The following QTMAN variants were observed in gnomAD, a reference collection of about 807,000 sequenced individuals.
QTMAN encodes the protein tRNA-queuosine alpha-mannosyltransferase.
the QTMAN span, among the ~76,000 whole-genome samples, chr2:144,224,007 A>C: frequency 2.6e-5 from 4 of 152,240 alleles, no homozygotes; most frequent in African/African-American, 9.6e-5. Context: ...AAAATCAATT[A>C]GAATACTCAA....
At chr2:144,272,573 T>C in the QTMAN span, among the ~76,000 whole-genome samples, 21 of 152,310 alleles carry the variant, frequency 1.4e-4, no homozygotes, top group Admixed American at 7.2e-4. Context: ...ATGTTGCTAA[T>C]AAAACTGTTT....
At chr2:144,116,348 A>ATG in the QTMAN span, among the ~76,000 whole-genome samples, 540 of 149,274 alleles carry the variant, frequency 3.6e-3, 3 homozygotes, top group Middle Eastern at 0.014. Context: ...GTGTGTGTGC[A>ATG]TGTGTGTGTG....
the QTMAN span, among the ~76,000 whole-genome samples, chr2:144,225,069 A>G: frequency 1.2e-4 from 19 of 152,368 alleles, no homozygotes; most frequent in Admixed American, 9.8e-4. Flanking sequence ...GCTTCCTTCT[A>G]GAATTCAAGC....
At chr2:144,040,040 A>C in the QTMAN span, among the ~76,000 whole-genome samples, 1 of 152,204 alleles carries the variant, frequency 6.6e-6, no homozygotes, top group Non-Finnish European at 1.5e-5. Context: ...TCAGTTTTTA[A>C]TAGCAAAGGG....
the QTMAN span, among the ~76,000 whole-genome samples, chr2:143,948,000 T>C: frequency 6.6e-6 from 1 of 152,060 alleles, no homozygotes; most frequent in African/African-American, 2.4e-5. Context: ...GTTGAGAGCT[T>C]TTAGAAGTTC....
At chr2:144,154,946 T>TCC in the QTMAN span, among the ~76,000 whole-genome samples, 1 of 152,164 alleles carries the variant, frequency 6.6e-6, no homozygotes, top group African/African-American at 2.4e-5. Context: ...GATCATTCAT[T>TCC]CCCTCAACGA....
chr2:144,143,553 ATTGT>A, the QTMAN span, among the ~76,000 whole-genome samples: 2 of 152,022 alleles, frequency 1.3e-5, no homozygotes, highest in African/African-American at 4.8e-5. Context: ...CTATACAAGT[ATTGT>A]TTATTAGTTG....
At chr2:144,124,571 C>A in the QTMAN span, among the ~76,000 whole-genome samples, 3 of 152,026 alleles carry the variant, frequency 2.0e-5, no homozygotes, top group Admixed American at 2.0e-4. Flanking sequence ...AACTGAAGAG[C>A]CATGGAGAAG....
the QTMAN span, among the ~76,000 whole-genome samples, chr2:144,003,359 A>C: frequency 6.6e-6 from 1 of 151,758 alleles, no homozygotes; most frequent in Non-Finnish European, 1.5e-5. Flanking sequence ...GAATGCTTAC[A>C]TAAAGGTTGG....
chr2:144,200,899 G>A, the QTMAN span, among the ~76,000 whole-genome samples: 2 of 152,180 alleles, frequency 1.3e-5, no homozygotes, highest in African/African-American at 4.8e-5. Flanking sequence ...GATACCGGTA[G>A]TGCGCAGAGC....
the QTMAN span, chr2:143,946,647 G>A: frequency 1.2e-3 from 197 of 161,684 alleles, 1 homozygote; most frequent in Middle Eastern, 9.1e-3. Context: ...CCATCGTGTC[G>A]GCGAAAAGAA....
At chr2:144,184,849 T>C in the QTMAN span, among the ~76,000 whole-genome samples, 13 of 152,106 alleles carry the variant, frequency 8.5e-5, no homozygotes, top group Admixed American at 8.5e-4. Context: ...CTTAAATAAG[T>C]AAATTTTAAA....
At chr2:144,183,518 T>C in the QTMAN span, among the ~76,000 whole-genome samples, 22 of 152,310 alleles carry the variant, frequency 1.4e-4, no homozygotes, top group East Asian at 4.1e-3. Context: ...ATGTAATCAA[T>C]GTATTTAATT....
At chr2:144,021,604 C>T in the QTMAN span, among the ~76,000 whole-genome samples, 4 of 151,990 alleles carry the variant, frequency 2.6e-5, no homozygotes, top group African/African-American at 9.7e-5. Context: ...CTAATGTGGC[C>T]AACACTGAGC....
the QTMAN span, among the ~76,000 whole-genome samples, chr2:144,155,552 C>T: frequency 2.0e-5 from 3 of 152,280 alleles, no homozygotes; most frequent in Non-Finnish European, 2.9e-5. Context: ...TCATGCCACT[C>T]ATGAGTCTCT....
the QTMAN span, among the ~76,000 whole-genome samples, chr2:144,247,879 T>C: frequency 6.6e-6 from 1 of 152,104 alleles, no homozygotes; most frequent in Non-Finnish European, 1.5e-5. Flanking sequence ...TTGGTAGAGA[T>C]GGGGTTTCAC....
At chr2:144,116,008 G>T in the QTMAN span, among the ~76,000 whole-genome samples, 1 of 152,176 alleles carries the variant, frequency 6.6e-6, no homozygotes, top group Non-Finnish European at 1.5e-5. Flanking sequence ...TACCAAGCAG[G>T]GAAGAGCAGA....
chr2:144,082,988 G>A, the QTMAN span, among the ~76,000 whole-genome samples: 1 of 152,082 alleles, frequency 6.6e-6, no homozygotes, highest in Non-Finnish European at 1.5e-5. Context: ...TTCTAAGTAT[G>A]GATTGGCAAA....
the QTMAN span, chr2:144,317,384 T>TGGAAGGAAGGAAGGAAGGAAGGAAGGTA: frequency 3.1e-5 from 3 of 97,356 alleles, no homozygotes; most frequent in African/African-American, 1.2e-4. Flanking sequence ...GAAGGAAGGA[T>TGGAAGGAAGGAAGGAAGGAAGGAAGGTA]GGAAGGAAGG....
Sources: gnomAD v4.1 joint callset for allele counts (sites outside exome capture counted in the v4.1 genomes callset) on GRCh38, gnomAD v4.1.1 for gene constraint, MANE v1.5 for transcripts, NCBI Gene and HGNC (gene_info 2026-07-23, HGNC 2026-07-21) for gene names.